ATL2: variants seen among roughly 807,000 people sequenced by gnomAD.
ATL2 encodes the protein atlastin-2.
In ATL2, 31 loss-of-function variants were observed where a neutral mutation model predicts 73.9. The observed-to-expected ratio is 0.42, with a 90% CI of 0.32 to 0.57. The LOEUF is 0.57. Among genes scored for constraint, ATL2 ranks in the 20% least tolerant of loss-of-function variants. ATL2 has a pLI of 0.14. For missense variants in ATL2, 738 were observed against 702.6 expected (o/e 1.05, Z -0.57); for synonymous variants, 291 against 237.5 (o/e 1.23, Z -2.07).
In ATL2 at chr2:38,294,929, T is replaced by G. The variant is rs527563834; in HGVS notation, c.*1065A>C. 1 of 134,668 alleles carries G rather than the reference T, an allele frequency of 7.4e-6. No individual in the cohort carries two copies. The highest frequency in any genetic ancestry group is 2.4e-4 in the South Asian group (1 of 4,240). The allele number at this position is 134,668 out of a possible 1,614,324, so 8.3% of individuals were successfully genotyped here. A position where few individuals can be genotyped will look rare whatever the true frequency, so the allele number is the denominator to read the frequency against. On this transcript the variant is annotated 3_prime_UTR_variant, in exon 13 of 13. Transcript: ENST00000378954. ...TTTTAATTATGTACTGAAAATAAATTACAGGAAATAACTTTAAAATGCAAC... is the reference window on the plus strand; with the variant it reads ...TTTTAATTATGTACTGAAAATAAATGACAGGAAATAACTTTAAAATGCAAC...
chr2:38,304,481 C>G (rs1008902134), intron 9 of ATL2, among the ~76,000 whole-genome samples: 1 of 152,112 alleles, frequency 6.6e-6, no homozygotes, highest in Non-Finnish European at 1.5e-5. Flanking sequence ...ATAGTAAACA[C>G]ACAGAAAAAC....
At chr2:38,377,698 G>A (rs1223281850), upstream of ATL2, among the ~76,000 whole-genome samples, 1 of 152,112 alleles carries the variant, frequency 6.6e-6, no homozygotes, top group Non-Finnish European at 1.5e-5. Flanking sequence ...CGTCCTGCAC[G>A]TGAGGTGGCT....
Position 38,298,288 on chromosome 2 carries a change from G to A in ATL2, c.1488C>T (p.Gly496=). The change falls in exon 12 of 13, where the codon GGC becomes GGT. Residue 496 remains glycine (G), a synonymous_variant. Coordinates refer to ENST00000378954, the MANE Select transcript of ATL2 (RefSeq NM_001135673.4). ...TACACAAGACAGCTATAGAGTTTAGGCCAATGAAGCCAGTCAGTCCTGAGA... is the reference window on the plus strand; with the variant it reads ...TACACAAGACAGCTATAGAGTTTAGACCAATGAAGCCAGTCAGTCCTGAGA... The part of the protein sequence containing the change: ...YIISGLTGFI[G]LNSIAVLCNL... The A allele has an allele frequency of 6.2e-7, 1 of 1,614,100 alleles. No homozygotes were observed. The highest frequency in any genetic ancestry group is 8.5e-7 in the Non-Finnish European group (1 of 1,180,006).
intron 1 of ATL2, among the ~76,000 whole-genome samples, chr2:38,366,741 T>C (rs1471895761): frequency 1.3e-5 from 2 of 152,214 alleles, no homozygotes; most frequent in Non-Finnish European, 2.9e-5. Flanking sequence ...CAAGCATCTG[T>C]CTACATTATT....
At chr2:38,300,975 CTT>C (rs111531452) in intron 9 of ATL2, among the ~76,000 whole-genome samples, 13 of 141,334 alleles carry the variant, frequency 9.2e-5, no homozygotes, top group African/African-American at 2.7e-4. Context: ...TCTCAACTTT[CTT>C]TTTTTTTTTT....
At chr2:38,342,734 C>T (rs1036054574) in intron 2 of ATL2, among the ~76,000 whole-genome samples, 2 of 152,144 alleles carry the variant, frequency 1.3e-5, no homozygotes, top group Admixed American at 6.5e-5. Context: ...AACAGTACTT[C>T]AGAGACTTCT....
chr2:38,360,446 C>A (rs2124466340), intron 1 of ATL2, among the ~76,000 whole-genome samples: 1 of 152,018 alleles, frequency 6.6e-6, no homozygotes, highest in South Asian at 2.1e-4. Flanking sequence ...CTACCACAGT[C>A]AACTAATTTA....
intron 5 of ATL2, 73 bp downstream of exon 5, chr2:38,315,211 A>C (rs995194408): frequency 7.5e-7 from 1 of 1,334,230 alleles, no homozygotes; most frequent in Non-Finnish European, 9.7e-7. Flanking sequence ...AGATTGTGCC[A>C]CCGTACTCTA....
At chr2:38,325,222 A>T (rs997982149) in intron 2 of ATL2, among the ~76,000 whole-genome samples, 3 of 152,212 alleles carry the variant, frequency 2.0e-5, no homozygotes, top group African/African-American at 7.2e-5. Context: ...CAACAAGAGA[A>T]AAGCTTAGCA....
At chr2:38,375,404 C>T (rs1447096724) in intron 1 of ATL2, among the ~76,000 whole-genome samples, 3 of 152,096 alleles carry the variant, frequency 2.0e-5, no homozygotes. Flanking sequence ...CTTGCTGATC[C>T]GTCCTAAAAA....
chr2:38,368,720 T>G (rs966503125), intron 1 of ATL2, among the ~76,000 whole-genome samples: 2 of 152,228 alleles, frequency 1.3e-5, no homozygotes, highest in African/African-American at 4.8e-5. Flanking sequence ...AATAATTTCC[T>G]GCATGCAAAC....
At chr2:38,309,852 T>G (rs1310286486) in intron 8 of ATL2, among the ~76,000 whole-genome samples, 4 of 152,262 alleles carry the variant, frequency 2.6e-5, no homozygotes, top group Admixed American at 1.3e-4. Flanking sequence ...GTATTAAATT[T>G]TACTACTAGA....
intron 2 of ATL2, among the ~76,000 whole-genome samples, chr2:38,332,803 C>T (rs764642437): frequency 5.3e-5 from 8 of 152,144 alleles, no homozygotes; most frequent in Non-Finnish European, 8.8e-5. Flanking sequence ...AAATCTTATG[C>T]CTTGAACTTG....
At chr2:38,345,175 C>T (rs1669949969) in intron 1 of ATL2, among the ~76,000 whole-genome samples, 1 of 152,128 alleles carries the variant, frequency 6.6e-6, no homozygotes, top group Admixed American at 6.5e-5. Context: ...CCTCCTTGAG[C>T]CTGTCTACTA....
intron 1 of ATL2, among the ~76,000 whole-genome samples, chr2:38,370,127 C>A (rs1287852885): frequency 2.2e-5 from 3 of 139,068 alleles, no homozygotes; most frequent in Non-Finnish European, 4.5e-5. Context: ...TGCACTCCAA[C>A]CTGGGCGACA....
At chr2:38,377,318 A>C, upstream of ATL2, 1 of 1,447,534 alleles carries the variant, frequency 6.9e-7, no homozygotes. Flanking sequence ...CCGCTTTATC[A>C]ACCTCCCGGG....
intron 1 of ATL2, among the ~76,000 whole-genome samples, chr2:38,370,448 CAAA>C (rs55964015): frequency 6.3e-4 from 35 of 55,202 alleles, no homozygotes; most frequent in Non-Finnish European, 7.2e-4. Flanking sequence ...GACTCTGTCC[CAAA>C]AAAAAAAAAA....
intron 2 of ATL2, among the ~76,000 whole-genome samples, chr2:38,341,657 T>C (rs1669727137): frequency 6.6e-6 from 1 of 152,142 alleles, no homozygotes; most frequent in South Asian, 2.1e-4. Flanking sequence ...CACGTCTCAA[T>C]CAATGAGACA....
chr2:38,322,524 C>A (rs1286686541), intron 2 of ATL2, among the ~76,000 whole-genome samples: 1 of 151,974 alleles, frequency 6.6e-6, no homozygotes, highest in East Asian at 1.9e-4. Context: ...ACAATACAAT[C>A]ATAAAAAGAC....
Sources: gnomAD v4.1 joint callset for allele counts (sites outside exome capture counted in the v4.1 genomes callset) on GRCh38, gnomAD v4.1.1 for gene constraint, MANE v1.5 for transcripts, NCBI Gene and HGNC (gene_info 2026-07-23, HGNC 2026-07-21) for gene names.